Variants in ADGRL2 observed in about 807,000 individuals in gnomAD.
ADGRL2 encodes adhesion G protein-coupled receptor L2, also known as calcium-independent alpha-latrotoxin receptor 2.
ADGRL2 carries 44 observed loss-of-function variants against 157.4 expected under a neutral mutation model. The observed-to-expected ratio is 0.28, with a 90% CI of 0.22 to 0.36. ADGRL2 has a LOEUF of 0.36. ADGRL2 is among the 10% of genes least tolerant of loss of function. The pLI, the probability that ADGRL2 is intolerant of heterozygous loss-of-function variation, is 1.00. For missense variants in ADGRL2, 1,510 were observed against 1,768.9 expected (o/e 0.85, Z 2.63); for synonymous variants, 585 against 624.7 (o/e 0.94, Z 0.95).
intron 1 of ADGRL2, among the ~76,000 whole-genome samples, chr1:81,397,647 T>A (rs2076680620): frequency 6.6e-6 from 1 of 152,114 alleles, no homozygotes; most frequent in Non-Finnish European, 1.5e-5. Context: ...TTGTTTCTGA[T>A]TTTATTTATT....
At chr1:81,647,687 A>G (rs1237255117) in intron 3 of ADGRL2, among the ~76,000 whole-genome samples, 1 of 152,190 alleles carries the variant, frequency 6.6e-6, no homozygotes, top group Non-Finnish European at 1.5e-5. Context: ...TCTATTAGTC[A>G]TAATGCATAA....
chr1:81,596,982 T>A (rs1017100984), intron 3 of ADGRL2, among the ~76,000 whole-genome samples: 3 of 152,190 alleles, frequency 2.0e-5, no homozygotes, highest in African/African-American at 7.2e-5. Flanking sequence ...TTGAATAACA[T>A]GATTAAATTT....
At chr1:81,468,238 T>A (rs1261628744) in intron 2 of ADGRL2, among the ~76,000 whole-genome samples, 5 of 152,196 alleles carry the variant, frequency 3.3e-5, no homozygotes, top group African/African-American at 1.2e-4. Context: ...TGGCCACAAA[T>A]AATTAGGGTA....
chr1:81,907,460 CT>C (rs1296257921), intron 3 of ADGRL2, among the ~76,000 whole-genome samples: 5 of 152,058 alleles, frequency 3.3e-5, no homozygotes, highest in Non-Finnish European at 5.9e-5. Flanking sequence ...TAATACGTAT[CT>C]TTTTGTGTTA....
chr1:81,691,199 G>T (rs1159883930), intron 3 of ADGRL2, among the ~76,000 whole-genome samples: 1 of 152,170 alleles, frequency 6.6e-6, no homozygotes, highest in Non-Finnish European at 1.5e-5. Flanking sequence ...GATAAATCCT[G>T]TTTAAAGGCT....
intron 2 of ADGRL2, among the ~76,000 whole-genome samples, chr1:81,523,838 C>T (rs1253953364): frequency 6.8e-6 from 1 of 145,988 alleles, no homozygotes; most frequent in Non-Finnish European, 1.5e-5. Flanking sequence ...CCGAAGTGGG[C>T]GGATCACAAG....
intron 19 of ADGRL2, among the ~76,000 whole-genome samples, chr1:81,982,882 G>A (rs1662059808): frequency 6.6e-6 from 1 of 151,926 alleles, no homozygotes; most frequent in African/African-American, 2.4e-5. Context: ...CATTTTGATT[G>A]CCATTGTCTT....
At chr1:81,815,629 T>C (rs912891954) in intron 1 of ADGRL2, among the ~76,000 whole-genome samples, 3 of 151,846 alleles carry the variant, frequency 2.0e-5, no homozygotes, top group African/African-American at 4.8e-5. Context: ...TATAGAATTA[T>C]GGTGACAGTT....
At chr1:81,559,665 T>TG (rs2080396061) in intron 2 of ADGRL2, among the ~76,000 whole-genome samples, 1 of 152,218 alleles carries the variant, frequency 6.6e-6, no homozygotes, top group African/African-American at 2.4e-5. Flanking sequence ...TGGAAGAGTC[T>TG]GTCAAGAAAA....
At chr1:81,466,636 A>G (rs1050717562) in intron 2 of ADGRL2, among the ~76,000 whole-genome samples, 3 of 151,566 alleles carry the variant, frequency 2.0e-5, no homozygotes, top group Middle Eastern at 3.4e-3. Context: ...TGATAAGTAC[A>G]AGACATGTAA....
upstream of ADGRL2, among the ~76,000 whole-genome samples, chr1:81,698,148 A>T (rs79875898): frequency 6.6e-6 from 1 of 152,294 alleles, no homozygotes; most frequent in African/African-American, 2.4e-5. Flanking sequence ...ATAAGGATTA[A>T]ATTTATCCTC....
chr1:81,792,855 T>G (rs2087416102), intron 2 of ADGRL2, among the ~76,000 whole-genome samples: 1 of 152,188 alleles, frequency 6.6e-6, no homozygotes, highest in Admixed American at 6.5e-5. Context: ...CTGTAAATGT[T>G]ATTATTTGTG....
intron 2 of ADGRL2, among the ~76,000 whole-genome samples, chr1:81,485,948 C>A (rs1176863536): frequency 5.3e-5 from 8 of 152,180 alleles, no homozygotes; most frequent in Admixed American, 3.9e-4. Context: ...CTCTGCCCTA[C>A]ATATAGCACT....
At chr1:81,499,378 G>T (rs2078796069) in intron 2 of ADGRL2, among the ~76,000 whole-genome samples, 1 of 152,252 alleles carries the variant, frequency 6.6e-6, no homozygotes, top group African/African-American at 2.4e-5. Context: ...AGCCTATATG[G>T]TAAGGACCAC....
chr1:81,463,563 GTT>G (rs1005839570), intron 2 of ADGRL2, among the ~76,000 whole-genome samples: 7 of 152,154 alleles, frequency 4.6e-5, no homozygotes, highest in African/African-American at 1.4e-4. Context: ...TGAAAAGGAG[GTT>G]TTCCTCTGGC....
At chr1:81,958,387 G>A (rs909808654) in intron 11 of ADGRL2, among the ~76,000 whole-genome samples, 3 of 152,088 alleles carry the variant, frequency 2.0e-5, no homozygotes, top group East Asian at 3.9e-4. Context: ...TTTTTCCTAG[G>A]ACTTGTCTTG....
At chr1:81,630,086 A>G (rs965763202) in intron 3 of ADGRL2, among the ~76,000 whole-genome samples, 2 of 152,208 alleles carry the variant, frequency 1.3e-5, no homozygotes, top group East Asian at 3.9e-4. Flanking sequence ...TAATAATTGC[A>G]CATACATATA....
chr1:81,604,022 G>A lies in ADGRL2; in HGVS notation c.-143+23042G>A, dbSNP rs540796965. ...TCTGTCCTTTAGGCTGGAATGCAGTGGCATGATCTCACCTCACTGCAACCT... is the reference window on the plus strand; with the variant it reads ...TCTGTCCTTTAGGCTGGAATGCAGTAGCATGATCTCACCTCACTGCAACCT... On this transcript the variant is annotated intron_variant, in intron 3 of 24. Transcript: ENST00000370721. 2.0e-5 allele frequency among the ~76,000 whole-genome samples: 3 copies of A among 149,378 alleles called. No individual in the cohort carries two copies. The South Asian group carries it at 6.3e-4, about 32-fold the overall frequency.
intron 3 of ADGRL2, among the ~76,000 whole-genome samples, chr1:81,663,950 G>A (rs759215221): frequency 1.3e-5 from 2 of 152,046 alleles, no homozygotes; most frequent in South Asian, 2.1e-4. Flanking sequence ...AAGGATATCC[G>A]TTTTTGCTTG....
Sources: allele counts gnomAD v4.1 joint callset (sites outside exome capture counted in the v4.1 genomes callset), GRCh38; gene constraint gnomAD v4.1.1; transcripts MANE v1.5; gene names NCBI Gene and HGNC (gene_info 2026-07-23, HGNC 2026-07-21).